Variants in SYK observed in about 807,000 individuals in gnomAD.
SYK encodes tyrosine-protein kinase SYK.
SYK carries 16 observed loss-of-function variants against 77.8 expected under a neutral mutation model. The observed-to-expected ratio is 0.21, with a 90% confidence interval of 0.14 to 0.31. The LOEUF (loss-of-function observed/expected upper bound fraction) is 0.31. SYK is among the 10% of genes least tolerant of loss of function. The pLI, the probability that SYK is intolerant of heterozygous loss-of-function variation, is 1.00. For missense variants in SYK, 529 were observed against 814.4 expected (o/e 0.65, Z 4.26); for synonymous variants, 312 against 308.7 (o/e 1.01, Z -0.11).
At chr9:90,852,517 A>G (rs1337356197) in intron 3 of SYK, among the ~76,000 whole-genome samples, 1 of 152,206 alleles carries the variant, frequency 6.6e-6, no homozygotes, top group Admixed American at 6.5e-5. Context: ...AATTTTAAAG[A>G]TGGAAGTATT....
At chr9:90,846,696 T>C in intron 3 of SYK, among the ~76,000 whole-genome samples, 1 of 123,782 alleles carries the variant, frequency 8.1e-6, no homozygotes, top group Admixed American at 8.0e-5. Flanking sequence ...ACCACAATAC[T>C]CTTAAAAAAA....
At chr9:90,830,285 G>C (rs1239249073) in intron 1 of SYK, among the ~76,000 whole-genome samples, 1 of 152,230 alleles carries the variant, frequency 6.6e-6, no homozygotes, top group Admixed American at 6.5e-5. Flanking sequence ...ACCTACTGAC[G>C]AAGCCAGTGG....
intron 1 of SYK, among the ~76,000 whole-genome samples, chr9:90,841,776 A>G (rs1442714769): frequency 7.1e-6 from 1 of 140,698 alleles, no homozygotes; most frequent in Non-Finnish European, 1.5e-5. Flanking sequence ...TGTGTGTAGT[A>G]CATGGTGTGT....
intron 7 of SYK, among the ~76,000 whole-genome samples, chr9:90,873,870 G>C (rs930238804): frequency 2.0e-5 from 3 of 152,164 alleles, no homozygotes; most frequent in African/African-American, 7.2e-5. Context: ...AATCATCAGC[G>C]ATCTTTGGTA....
intron 11 of SYK, among the ~76,000 whole-genome samples, chr9:90,879,322 T>C (rs192362425): frequency 4.5e-4 from 68 of 152,372 alleles, no homozygotes; most frequent in Non-Finnish European, 8.1e-4. Flanking sequence ...TTCATGCTAC[T>C]TAACATTACG....
At chr9:90,808,205 C>A (rs968850003) in intron 1 of SYK, among the ~76,000 whole-genome samples, 14 of 152,194 alleles carry the variant, frequency 9.2e-5, no homozygotes, top group African/African-American at 3.4e-4. Context: ...TCATCCCTGT[C>A]CATCCTGTTC....
At chr9:90,884,735 GTACATATA>G (rs373397469) in intron 11 of SYK, among the ~76,000 whole-genome samples, 280 of 15,190 alleles carry the variant, frequency 0.018, 130 homozygotes, top group African/African-American at 0.18. Flanking sequence ...ATGTGTACAT[GTACATATA>G]CACATATACA....
intron 1 of SYK, among the ~76,000 whole-genome samples, chr9:90,828,556 G>A (rs1367754349): frequency 1.3e-5 from 2 of 152,108 alleles, no homozygotes; most frequent in East Asian, 3.9e-4. Flanking sequence ...CCACACCGCT[G>A]GCTGCAACCC....
intron 1 of SYK, among the ~76,000 whole-genome samples, chr9:90,833,407 C>T (rs1213897011): frequency 1.3e-5 from 2 of 152,186 alleles, no homozygotes; most frequent in African/African-American, 4.8e-5. Flanking sequence ...AGAACTAAAA[C>T]TCTAAGGTGG....
At chr9:90,855,166 A>G (rs1300144963) in intron 3 of SYK, among the ~76,000 whole-genome samples, 2 of 152,270 alleles carry the variant, frequency 1.3e-5, no homozygotes, top group African/African-American at 2.4e-5. Flanking sequence ...CATATAGAAT[A>G]CTGAAGTATA....
chr9:90,861,936 A>T (rs1033105441), intron 3 of SYK, among the ~76,000 whole-genome samples: 3 of 152,114 alleles, frequency 2.0e-5, no homozygotes, highest in Admixed American at 6.5e-5. Flanking sequence ...GCCCTGCTAG[A>T]GCTTAGCCAT....
chr9:90,854,832 T>C (rs1221351182), intron 3 of SYK, among the ~76,000 whole-genome samples: 2 of 151,996 alleles, frequency 1.3e-5, no homozygotes, highest in Non-Finnish European at 2.9e-5. Context: ...TGAAAAGAAA[T>C]AAGCAGTGTA....
chr9:90,888,022 C>T (rs1293040113), intron 12 of SYK, 133 bp downstream of exon 12: 5 of 1,182,852 alleles, frequency 4.2e-6, no homozygotes, highest in Non-Finnish European at 5.7e-6. Flanking sequence ...TTAATGTGCC[C>T]TCAGTCTATT....
chr9:90,872,532 G>T (rs1200276692), intron 7 of SYK, among the ~76,000 whole-genome samples: 2 of 152,356 alleles, frequency 1.3e-5, no homozygotes, highest in East Asian at 1.9e-4. Flanking sequence ...GGATCACCCA[G>T]TTTCTGTCAG....
rs1242033942 is a variant in SYK at position 90,896,530 on chromosome 9, T to TG, written c.*936dup. 15 of 231,758 alleles carry TG rather than the reference T, an allele frequency of 6.5e-5. No homozygotes were observed. The highest frequency in any genetic ancestry group is 1.2e-4 in the Non-Finnish European group (14 of 117,170). The allele number at this position is 231,758 out of a possible 1,614,324, so 14.4% of individuals were successfully genotyped here. Reference sequence around the variant, plus strand: ...CCCCTGTCGCTTTCTGTGTCTGCAATGGGGGGCAGCACAGGGATCAAAGCC... The same window carrying TG: ...CCCCTGTCGCTTTCTGTGTCTGCAATGGGGGGGCAGCACAGGGATCAAAGCC... On this transcript the variant is annotated 3_prime_UTR_variant, in exon 14 of 14. Transcript: ENST00000375754.
chr9:90,844,298 C>A lies in SYK; in HGVS notation c.400C>A (p.Gln134Lys). The A allele has an allele frequency of 6.2e-7, 1 of 1,609,116 alleles. No homozygotes were observed. The highest frequency in any genetic ancestry group is 8.5e-7 in the Non-Finnish European group (1 of 1,177,440). The change falls in exon 2 of 14, where the codon CAG (glutamine) becomes AAG (lysine). Residue 134 changes from glutamine (Q) to lysine (K), a missense_variant. By Grantham distance (53) the Gln-to-Lys change is moderately conservative (BLOSUM62 1). Coordinates refer to ENST00000375754, the MANE Select transcript of SYK (RefSeq NM_003177.7). ...KENLIREYVKQTWNLQGQALE... is the reference protein window; with the variant it reads ...KENLIREYVKKTWNLQGQALE... ...AAACCTCATCAGGGAATATGTGAAGCAGACATGGAACCTGCAGGTGGGCCA... is the reference window on the plus strand; with the variant it reads ...AAACCTCATCAGGGAATATGTGAAGAAGACATGGAACCTGCAGGTGGGCCA...
intron 3 of SYK, among the ~76,000 whole-genome samples, chr9:90,848,662 C>G (rs974284021): frequency 2.0e-5 from 3 of 152,164 alleles, no homozygotes; most frequent in Non-Finnish European, 4.4e-5. Flanking sequence ...GTCAGCTAAT[C>G]CATCCATGGA....
intron 1 of SYK, among the ~76,000 whole-genome samples, chr9:90,804,676 C>G (rs1824747308): frequency 6.6e-6 from 1 of 152,172 alleles, no homozygotes; most frequent in Non-Finnish European, 1.5e-5. Context: ...ACTTTTTCTT[C>G]TAAAGCAACT....
chr9:90,807,066 G>A (rs1824867505), intron 1 of SYK, among the ~76,000 whole-genome samples: 1 of 152,216 alleles, frequency 6.6e-6, no homozygotes. Context: ...AGTGCAGCAA[G>A]CAGGGATAAA....
Sources: allele counts gnomAD v4.1 joint callset (sites outside exome capture counted in the v4.1 genomes callset), GRCh38; gene constraint gnomAD v4.1.1; transcripts MANE v1.5; gene names NCBI Gene and HGNC (gene_info 2026-07-23, HGNC 2026-07-21).